Variants in TRPM3 observed in about 807,000 individuals in gnomAD.
TRPM3 encodes the protein transient receptor potential cation channel subfamily M member 3, also known as long transient receptor potential channel 3.
Under a neutral mutation model 181.2 loss-of-function variants are expected in TRPM3, and 77 were observed. The ratio of observed to expected loss-of-function variants is 0.42; its 90% confidence interval spans 0.35 to 0.51. The LOEUF (loss-of-function observed/expected upper bound fraction) is 0.51, where lower values mean the gene tolerates loss of function less well. Among genes scored for constraint, TRPM3 ranks in the 20% least tolerant of loss-of-function variants. The pLI is 0.01. For synonymous variants in TRPM3, 745 were observed against 796.4 expected (o/e 0.94, Z 1.09); for missense variants, 1,759 against 2,196.7 (o/e 0.80, Z 3.98).
intron 1 of TRPM3, among the ~76,000 whole-genome samples, chr9:71,272,120 A>ATTGAAT (rs931054106): frequency 1.4e-4 from 21 of 152,314 alleles, no homozygotes; most frequent in South Asian, 1.0e-3. Flanking sequence ...GTAAATATAA[A>ATTGAAT]TTGAATTGAG....
chr9:71,283,534 G>A (rs1207502573), intron 1 of TRPM3, among the ~76,000 whole-genome samples: 2 of 152,112 alleles, frequency 1.3e-5, no homozygotes, highest in African/African-American at 4.8e-5. Context: ...TCAATCTCCT[G>A]ACCTCGTGAT....
chr9:71,422,063 TC>T (rs2093785685), intron 1 of TRPM3, among the ~76,000 whole-genome samples: 1 of 151,988 alleles, frequency 6.6e-6, no homozygotes, highest in Admixed American at 6.6e-5. Flanking sequence ...CTGTGTTTTC[TC>T]CCCTGAATAT....
intron 1 of TRPM3, among the ~76,000 whole-genome samples, chr9:70,916,476 C>T (rs552594747): frequency 2.6e-5 from 4 of 152,160 alleles, no homozygotes; most frequent in African/African-American, 7.2e-5. Context: ...ATAGAAACAA[C>T]AAAAAGTTAA....
intron 1 of TRPM3, among the ~76,000 whole-genome samples, chr9:71,413,008 A>G (rs540559929): frequency 1.3e-5 from 2 of 152,274 alleles, no homozygotes; most frequent in East Asian, 3.9e-4. Flanking sequence ...ACAGAAAACC[A>G]AACACCGCAT....
chr9:70,965,081 G>A (rs1167304083), intron 1 of TRPM3, among the ~76,000 whole-genome samples: 2 of 151,848 alleles, frequency 1.3e-5, no homozygotes, highest in Admixed American at 6.6e-5. Flanking sequence ...GCTTCTCCCA[G>A]AATAGCTACA....
intron 22 of TRPM3, among the ~76,000 whole-genome samples, chr9:70,567,020 A>C (rs907644170): frequency 5.3e-5 from 8 of 152,228 alleles, no homozygotes; most frequent in African/African-American, 1.9e-4. Flanking sequence ...TACTGACGAC[A>C]TCAGGGCAGA....
At chr9:70,751,986 T>C (rs1356791281) in intron 8 of TRPM3, among the ~76,000 whole-genome samples, 1 of 143,008 alleles carries the variant, frequency 7.0e-6, no homozygotes. Context: ...GCAGTTTCAA[T>C]CCACATCTCA....
At chr9:70,981,384 T>C (rs1188999250) in intron 1 of TRPM3, among the ~76,000 whole-genome samples, 1 of 152,208 alleles carries the variant, frequency 6.6e-6, no homozygotes, top group Non-Finnish European at 1.5e-5. Flanking sequence ...TAGCAAAGAT[T>C]GTTTTCTTGC....
At chr9:70,830,898 T>C (rs1476850520) in intron 5 of TRPM3, among the ~76,000 whole-genome samples, 3 of 152,192 alleles carry the variant, frequency 2.0e-5, no homozygotes, top group African/African-American at 4.8e-5. Flanking sequence ...TTTTACCAAC[T>C]ATAAGCCGAT....
intron 20 of TRPM3, among the ~76,000 whole-genome samples, chr9:70,600,199 G>A (rs1292661587): frequency 6.6e-6 from 1 of 152,168 alleles, no homozygotes; most frequent in Non-Finnish European, 1.5e-5. Context: ...ATGCCACTTA[G>A]TGAAGCTGTG....
chr9:71,183,793 C>T (rs1301098357), intron 1 of TRPM3, among the ~76,000 whole-genome samples: 3 of 152,074 alleles, frequency 2.0e-5, no homozygotes, highest in African/African-American at 4.8e-5. Flanking sequence ...TTAACAGGTA[C>T]ATCTATGACA....
chr9:71,386,566 A>G lies in TRPM3; in HGVS notation c.183+60087T>C, dbSNP rs532712172. Among the ~76,000 whole-genome samples, 3 of 152,316 alleles carry G rather than the reference A, an allele frequency of 2.0e-5. 1 individual carries two copies. In the South Asian group the frequency reaches 6.2e-4, roughly 32 times the overall value. The stretch of plus-strand genomic sequence containing the variant: ...GCTCTGAACTGTCTGTGCAATATCA[A>G]GGTACAGATGTATCTGGTAGTCAAT... On this transcript the variant is annotated intron_variant, in intron 1 of 24. Coordinates refer to the TRPM3 transcript ENST00000357533.
At chr9:71,238,801 A>ACC (rs1364681388) in intron 1 of TRPM3, among the ~76,000 whole-genome samples, 1 of 152,052 alleles carries the variant, frequency 6.6e-6, no homozygotes, top group African/African-American at 2.4e-5. Flanking sequence ...GCAACCATCT[A>ACC]CCCTTCACCT....
chr9:70,974,988 C>A (rs1341560671), intron 1 of TRPM3, among the ~76,000 whole-genome samples: 1 of 150,886 alleles, frequency 6.6e-6, no homozygotes, highest in African/African-American at 2.4e-5. Flanking sequence ...CTTCCTCAGT[C>A]TCCCAAGTAG....
At chr9:71,254,389 G>C (rs1691403043) in intron 1 of TRPM3, among the ~76,000 whole-genome samples, 1 of 152,182 alleles carries the variant, frequency 6.6e-6, no homozygotes, top group South Asian at 2.1e-4. Context: ...ATTTCATTTA[G>C]ACAGGAGATA....
chr9:71,243,516 A>C (rs1271085733), intron 1 of TRPM3, among the ~76,000 whole-genome samples: 1 of 152,130 alleles, frequency 6.6e-6, no homozygotes, highest in Non-Finnish European at 1.5e-5. Context: ...CTTTTCTTTA[A>C]GTCTTTACTG....
At chr9:70,688,389 G>A (rs2067546121) in intron 8 of TRPM3, among the ~76,000 whole-genome samples, 1 of 152,070 alleles carries the variant, frequency 6.6e-6, no homozygotes, top group African/African-American at 2.4e-5. Flanking sequence ...AGATTTTAGT[G>A]CACCTGTCAT....
At chr9:70,842,859 A>G (rs2094769078) in intron 5 of TRPM3, 144 bp downstream of exon 5, 2 of 737,438 alleles carry the variant, frequency 2.7e-6, no homozygotes, top group East Asian at 5.7e-5. Context: ...TTTTCCCAAG[A>G]TACCATTCCT....
intron 1 of TRPM3, among the ~76,000 whole-genome samples, chr9:71,356,648 T>A (rs2091908384): frequency 6.6e-6 from 1 of 152,178 alleles, no homozygotes; most frequent in Non-Finnish European, 1.5e-5. Flanking sequence ...CCACTGGGGT[T>A]GGTATCTGGC....
Sources: gnomAD v4.1 joint callset for allele counts (sites outside exome capture counted in the v4.1 genomes callset) on GRCh38, gnomAD v4.1.1 for gene constraint, MANE v1.5 for transcripts, NCBI Gene and HGNC (gene_info 2026-07-23, HGNC 2026-07-21) for gene names.